Variants in TTN observed in about 807,000 individuals in gnomAD.
The protein encoded by TTN is connectin.
In TTN, 1,525 loss-of-function variants were observed where a neutral mutation model predicts 3,223.0. The observed-to-expected ratio is 0.47, with a 90% confidence interval of 0.45 to 0.49. The LOEUF (loss-of-function observed/expected upper bound fraction) is 0.49. Ranked by LOEUF, TTN falls within the 20% of genes least tolerant of loss-of-function variation. The pLI is 0.00. For missense variants in TTN, 40,786 were observed against 43,424.0 expected, an observed-to-expected ratio of 0.94 and a Z score of 5.40; for synonymous variants, 14,094 against 15,161.0, an observed-to-expected ratio of 0.93 and a Z score of 5.17.
intron 86 of TTN, 29 bp downstream of exon 86, chr2:178,717,914 A>G: frequency 6.3e-7 from 1 of 1,598,162 alleles, no homozygotes; most frequent in South Asian, 1.1e-5. Flanking sequence ...GAATCTGTTC[A>G]CACACACTAG....
chr2:178,598,750 A>T lies in TTN; in HGVS notation c.56960T>A (p.Ile18987Asn), dbSNP rs373351577. ...PSDPATARDP[I>N]APPGPPFPKV... ...AAAGGAATGGTTTCCAGGCTTACCA[A>T]TTGGATCTCTAGCAGTCGCTGGGTC... Residue 18987 changes from isoleucine (I) to asparagine (N), a missense_variant and splice_region_variant, in exon 291 of 363, where the codon ATT becomes AAT. By Grantham distance (149) the Ile-to-Asn change is moderately radical. Coordinates refer to ENST00000589042, the MANE Select transcript of TTN (RefSeq NM_001267550.2). The T allele has an allele frequency of 1.9e-6, 3 of 1,611,158 alleles. No homozygotes were observed. In the East Asian group the frequency reaches 6.7e-5, roughly 36 times the overall value.
chr2:178,790,905 C>T (rs1367439067), intron 10 of TTN, 60 bp from the exon 11 acceptor site: 4 of 1,598,120 alleles, frequency 2.5e-6, no homozygotes, highest in Non-Finnish European at 3.4e-6. Flanking sequence ...AATGGGAAGA[C>T]ATCCTTGAAA....
Position 178,784,258 on chromosome 2 carries a change from T to G in TTN, c.2587A>C (p.Thr863Pro), listed in dbSNP as rs779188654. The G allele has an allele frequency of 1.9e-6, 3 of 1,614,116 alleles. No individual in the cohort carries two copies. The highest frequency in any genetic ancestry group is 1.1e-5 in the South Asian group (1 of 91,082). ...QKITKSVKAP[T>P]VKPSETRVRA... is the part of the protein sequence containing the mutation. ...ACTCTAGTCTCACTGGGCTTCACAG[T>G]AGGAGCCTTCACCGATTTGGTGATC... Residue 863 changes from threonine (T) to proline (P), a missense_variant, in exon 16 of 363, where the codon ACT becomes CCT. Physicochemically the swap from Thr to Pro is conservative, Grantham distance 38. Transcript: ENST00000589042.
chr2:178,748,973 C>CT (rs2084542481), intron 47 of TTN: 5 of 1,612,324 alleles, frequency 3.1e-6, no homozygotes, highest in Non-Finnish European at 4.2e-6. Flanking sequence ...TCTGGTAGGT[C>CT]TTTTTTCTAG....
intron 13 of TTN, among the ~76,000 whole-genome samples, chr2:178,787,360 T>C (rs768231080): frequency 6.6e-6 from 1 of 152,108 alleles, no homozygotes; most frequent in Non-Finnish European, 1.5e-5. Flanking sequence ...GATTGCATCA[T>C]CTCAGAAAAA....
Position 178,711,105 on chromosome 2 carries a change from G to A in TTN, c.28131C>T (p.Asn9377=), listed in dbSNP as rs72648997. The A allele has an allele frequency of 2.8e-4, 453 of 1,613,374 alleles. 1 individual carries two copies. The Middle Eastern group carries it at 4.5e-3, about 16-fold the overall frequency. ...LAGQYSCTAT[N]PIGSASSSAR... ...CACTGGAAGAAGCAGAGCCTATAGG[G>A]TTTGTAGCTGTGCAGGAATACTGGC... The change falls in exon 97 of 363, where the codon AAC becomes AAT. Residue 9377 remains asparagine (N), a synonymous_variant. Transcript: ENST00000589042.
Position 178,536,207 on chromosome 2 carries a change from T to C in TTN, c.100540A>G (p.Thr33514Ala). ...NLNVRYQSNA[T>A]LVCKVTGHPK... ...TGACCAGTCACTTTGCAGACCAAGGTAGCATTGCTCTGATATCTGACATTT... is the reference window on the plus strand; with the variant it reads ...TGACCAGTCACTTTGCAGACCAAGGCAGCATTGCTCTGATATCTGACATTT... The change falls in exon 357 of 363, where the codon ACC (threonine) becomes GCC (alanine). Residue 33514 changes from threonine (T) to alanine (A), a missense_variant. Coordinates refer to ENST00000589042, the MANE Select transcript of TTN (RefSeq NM_001267550.2). 6.2e-7 allele frequency: 1 copy of C among 1,613,346 alleles called. No homozygotes were observed. The highest frequency in any genetic ancestry group is 8.5e-7 in the Non-Finnish European group (1 of 1,179,544).
chr2:178,786,135 C>T lies in TTN; in HGVS notation c.2083G>A (p.Val695Ile), dbSNP rs747479318. 1.8e-5 allele frequency: 29 copies of T among 1,613,634 alleles called. No homozygotes were observed. Among genetic ancestry groups the T allele is most frequent in the Middle Eastern group, 1.6e-4 (1 of 6,072 alleles). ...GCTACAGCTTCAGCCTTTTTTCCAA[C>T]GTCCACCTGGAGACAAGGTTTCCAG... ...QIQVTHGKVD[V>I]GKKAEAVATV... The change falls in exon 14 of 363, where the codon GTT becomes ATT. Residue 695 changes from valine to isoleucine, a missense_variant. Coordinates refer to ENST00000589042, the MANE Select transcript of TTN (RefSeq NM_001267550.2).
In TTN at chr2:178,579,100, G is replaced by A; in HGVS notation, c.67930C>T (p.Pro22644Ser). The change falls in exon 320 of 363, where the codon CCT becomes TCT. Residue 22644 changes from proline (P) to serine (S), a missense_variant. Coordinates refer to ENST00000589042, the MANE Select transcript of TTN (RefSeq NM_001267550.2). Reference protein sequence around the residue: ...GTISIKVVGKPGIPTGPIKFD... With the variant: ...GTISIKVVGKSGIPTGPIKFD... ...TTGATTGGTCCAGTGGGGATGCCAG[G>A]CTTGCCAACAACCTTTATGGAGATA... is the stretch of plus-strand genomic sequence containing the variant. The A allele has an allele frequency of 3.1e-6, 5 of 1,613,356 alleles. No individual in the cohort carries two copies. Among genetic ancestry groups the A allele is most frequent in the Non-Finnish European group, 4.2e-6 (5 of 1,179,550 alleles).
chr2:178,677,268 T>C lies in TTN; in HGVS notation c.34311A>G (p.Lys11437=). The change falls in exon 147 of 363, where the codon AAA becomes AAG. Residue 11437 remains lysine, a synonymous_variant. Transcript: ENST00000589042. ...VPAPVPEVPK[K]PVPEKKVPVP... is the part of the protein sequence containing the mutation. ...CAGGGACTTTCTTCTCTGGTACAGG[T>C]TTCTTTGGCACTTCAGGCACTTAAA... is the stretch of plus-strand genomic sequence containing the variant. The C allele has an allele frequency of 8.2e-7, 1 of 1,213,730 alleles. No individual in the cohort carries two copies. Among genetic ancestry groups the C allele is most frequent in the Non-Finnish European group, 1.0e-6 (1 of 979,262 alleles). The allele number at this position is 1,213,730 out of a possible 1,614,324, so 75.2% of individuals were successfully genotyped here.
Position 178,565,451 on chromosome 2 carries a change from C to T in TTN, c.80681G>A (p.Gly26894Glu). The T allele has an allele frequency of 6.2e-7, 1 of 1,613,268 alleles. No individual in the cohort carries two copies. The change falls in exon 326 of 363, where the codon GGA (glycine) becomes GAA (glutamate). Residue 26894 changes from glycine to glutamate, a missense_variant. Transcript: ENST00000589042. ...TGGAATTTCTATTTTAAGATCTTCT[C>T]CAGCTTGGATACTATATGTGTTAAA... ...LPFNTYSIQA[G>E]EDLKIEIPVI... is the part of the protein sequence containing the mutation.
rs933507525 is a variant in TTN, at chr2:178,578,490, TAAA to T, written c.68329+118_68329+120del. The T allele has an allele frequency of 5.2e-6, 4 of 769,020 alleles. No individual in the cohort carries two copies. In the Admixed American group the frequency reaches 9.2e-5, roughly 18 times the overall value. 47.6% of individuals were successfully genotyped at this position (769,020 alleles called of 1,614,324 possible). A position where few individuals can be genotyped will look rare whatever the true frequency, so the allele number is the denominator to read the frequency against. ...TAAACATTAACCATATGTACTGAAATAAAAACACATTTCTGTATAAGCAGATAA... is the reference window on the plus strand; with the variant it reads ...TAAACATTAACCATATGTACTGAAATAACACATTTCTGTATAAGCAGATAA... On this transcript the variant is annotated intron_variant, in intron 321 of 362. Transcript: ENST00000589042.
In TTN at chr2:178,563,629, A is replaced by C. The variant is rs768922879; in HGVS notation, c.82503T>G (p.Ile27501Met). Residue 27501 changes from isoleucine to methionine, a missense_variant, in exon 326 of 363, where the codon ATT becomes ATG. By Grantham distance (10) the Ile-to-Met change is conservative. Coordinates refer to ENST00000589042, the MANE Select transcript of TTN (RefSeq NM_001267550.2). The surrounding 1 kb of genome is among the most constrained non-coding windows in gnomAD (Gnocchi z 4.5). ...CTCGTTTTTCAAGAATGTAGCCCTC[A>C]ATTTCGGTACCTCCGTCGTCTACTG... ...ARPVDDGGTE[I>M]EGYILEKRDK... 1 of 1,613,556 alleles carries C rather than the reference A, an allele frequency of 6.2e-7. No homozygotes were observed. The highest frequency in any genetic ancestry group is 2.2e-5 in the East Asian group (1 of 44,848).
At position 178,530,230 on chromosome 2, in the gene TTN, G is replaced by A; in HGVS notation, c.106374+11C>T. 1 of 1,577,248 alleles carries A rather than the reference G, an allele frequency of 6.3e-7. No individual in the cohort carries two copies. The highest frequency in any genetic ancestry group is 8.6e-7 in the Non-Finnish European group (1 of 1,165,150). ...GAAGATAAAAGAAAGAGACATTTAAGAACTGGTTACCTTTCCATCTTTTGT... is the reference window on the plus strand; with the variant it reads ...GAAGATAAAAGAAAGAGACATTTAAAAACTGGTTACCTTTCCATCTTTTGT... On this transcript the variant is annotated intron_variant, in intron 358 of 362. Coordinates refer to ENST00000589042, the MANE Select transcript of TTN (RefSeq NM_001267550.2).
chr2:178,568,718 C>T lies in TTN; in HGVS notation c.77414G>A (p.Ser25805Asn). 3 of 1,613,286 alleles carry T rather than the reference C, an allele frequency of 1.9e-6. No homozygotes were observed. In the East Asian group the frequency reaches 6.7e-5, roughly 36 times the overall value. ...VIEPDVKPAFSSYSVQVGQDL... is the reference protein window; with the variant it reads ...VIEPDVKPAFNSYSVQVGQDL... ...TTGGCCAACCTGTACACTGTAACTA[C>T]TGAATGCAGGTTTTACATCTGGCTC... Residue 25805 changes from serine (S) to asparagine (N), a missense_variant, in exon 326 of 363, where the codon AGT (serine) becomes AAT (asparagine). By Grantham distance (46) the Ser-to-Asn change is conservative. Coordinates refer to ENST00000589042, the MANE Select transcript of TTN (RefSeq NM_001267550.2).
intron 6 of TTN, among the ~76,000 whole-genome samples, chr2:178,796,432 C>T (rs1050720014): frequency 6.6e-6 from 1 of 151,994 alleles, no homozygotes; most frequent in Non-Finnish European, 1.5e-5. Flanking sequence ...TACAGAGTAC[C>T]CTAACAGTAC....
intron 294 of TTN, among the ~76,000 whole-genome samples, chr2:178,596,484 G>C (rs1048174249): frequency 6.6e-6 from 1 of 152,050 alleles, no homozygotes; most frequent in African/African-American, 2.4e-5. Flanking sequence ...AGTTTCCTCT[G>C]CAGGGGAAAC....
At position 178,720,091 on chromosome 2, in the gene TTN, C is replaced by T. The variant is rs1457271874; in HGVS notation, c.23551G>A (p.Ala7851Thr). ...NTRISFIDNI[A>T]TLQLGSPEAS... is the part of the protein sequence containing the mutation. ...TCTGGACTCCCCAGCTGGAGGGTTG[C>T]AATGTTATCAATGAATGAAATCCTG... The change falls in exon 81 of 363, where the codon GCA becomes ACA. Residue 7851 changes from alanine (A) to threonine (T), a missense_variant. Transcript: ENST00000589042. The T allele has an allele frequency of 1.9e-6, 3 of 1,613,712 alleles. No homozygotes were observed. In the Admixed American group the frequency reaches 5.0e-5, roughly 27 times the overall value.
In TTN at chr2:178,739,414, T is replaced by C. The variant is rs371275648; in HGVS notation, c.13819A>G (p.Met4607Val). The change falls in exon 48 of 363, where the codon ATG (methionine) becomes GTG (valine). Residue 4607 changes from methionine to valine, a missense_variant. Transcript: ENST00000589042. The stretch of plus-strand genomic sequence containing the variant: ...GTGTCCACTAAAGGTGTATGTATCA[T>C]GGGGCCATCCTCTTTGATTAAGCCA... ...EGGLIKEDGP[M>V]IHTPLVDTVS... The C allele has an allele frequency of 7.9e-5, 127 of 1,613,768 alleles. No individual in the cohort carries two copies. The highest frequency in any genetic ancestry group is 1.0e-4 in the Non-Finnish European group (119 of 1,179,834).
Sources: allele counts gnomAD v4.1 joint callset (sites outside exome capture counted in the v4.1 genomes callset), GRCh38; gene constraint gnomAD v4.1.1; non-coding constraint Gnocchi (gnomAD v3.1); transcripts MANE v1.5; gene names NCBI Gene and HGNC (gene_info 2026-07-23, HGNC 2026-07-21).